The following PTK2 variants were observed in gnomAD, a reference collection of about 807,000 sequenced individuals.
PTK2 encodes protein tyrosine kinase 2.
PTK2 carries 45 observed loss-of-function variants against 150.1 expected under a neutral mutation model. The observed-to-expected ratio is 0.30, with a 90% CI of 0.24 to 0.38. The LOEUF (loss-of-function observed/expected upper bound fraction) is 0.38. Ranked by LOEUF, PTK2 falls within the 10% of genes least tolerant of loss-of-function variation. The pLI is 1.00. For missense variants in PTK2, 919 were observed against 1,307.3 expected (o/e 0.70, Z 4.58); for synonymous variants, 432 against 449.2 (o/e 0.96, Z 0.48).
chr8:140,825,447 C>A (rs1205301461), intron 8 of PTK2, among the ~76,000 whole-genome samples: 1 of 152,114 alleles, frequency 6.6e-6, no homozygotes, highest in Non-Finnish European at 1.5e-5. Context: ...TTCTAGGAAA[C>A]CACATTATTA....
chr8:140,845,239 A>C (rs4314692), intron 7 of PTK2, among the ~76,000 whole-genome samples: 145,317 of 152,204 alleles, frequency 0.95, 69,640 homozygotes, highest in Non-Finnish European at 1. Flanking sequence ...GTCAGCGATG[A>C]TCAAAGGCCA....
intron 2 of PTK2, among the ~76,000 whole-genome samples, chr8:140,905,473 C>G (rs1220246613): frequency 6.6e-6 from 1 of 152,112 alleles, no homozygotes; most frequent in Non-Finnish European, 1.5e-5. Context: ...ACAAGAAGAG[C>G]TAACTATCTT....
intron 7 of PTK2, among the ~76,000 whole-genome samples, chr8:140,842,266 A>C (rs1390788068): frequency 1.3e-5 from 2 of 152,042 alleles, no homozygotes; most frequent in Non-Finnish European, 2.9e-5. Flanking sequence ...AAAATAAATA[A>C]ATTAAAAATC....
chr8:140,682,176 G>A (rs1231106378), intron 27 of PTK2, among the ~76,000 whole-genome samples: 2 of 152,146 alleles, frequency 1.3e-5, no homozygotes, highest in Non-Finnish European at 1.5e-5. Flanking sequence ...GAAGTCAGGA[G>A]TTTGAGACCA....
At position 140,730,820 on chromosome 8, in the gene PTK2, CA is replaced by C. The variant is rs555125714; in HGVS notation, c.2030+4430del. ...AAAATAGTGGTACCAACACCTTAGT[CA>C]AGAAGAGTACTGTTGGGACATATTA... On this transcript the variant is annotated intron_variant, in intron 22 of 31. Coordinates refer to ENST00000522684, the Ensembl canonical transcript of PTK2. 1.4e-4 allele frequency among the ~76,000 whole-genome samples: 22 copies of C among 151,890 alleles called. No individual in the cohort carries two copies. The South Asian group carries it at 4.6e-3, about 32-fold the overall frequency.
chr8:140,929,401 C>T (rs1255356398), intron 1 of PTK2, among the ~76,000 whole-genome samples: 1 of 152,118 alleles, frequency 6.6e-6, no homozygotes, highest in Non-Finnish European at 1.5e-5. Flanking sequence ...AAGAACAAGT[C>T]TAAAGCGAAA....
At chr8:140,890,632 C>T in exon 3 of PTK2, 3 of 1,614,066 alleles carry the variant, frequency 1.9e-6, no homozygotes, top group Non-Finnish European at 2.5e-6. Context: ...ACCTTTAATA[C>T]TCGCTCCATT....
At chr8:140,891,135 C>T (rs1368510304) in intron 2 of PTK2, among the ~76,000 whole-genome samples, 1 of 144,458 alleles carries the variant, frequency 6.9e-6, no homozygotes, top group East Asian at 2.1e-4. Flanking sequence ...TAATTTGCTC[C>T]CTGCTTTTGA....
chr8:140,670,485 AACAACACACAC>A (rs1478430846), intron 29 of PTK2, among the ~76,000 whole-genome samples: 2 of 36,934 alleles, frequency 5.4e-5, no homozygotes, highest in African/African-American at 1.8e-4. Flanking sequence ...AAAAAAAAAC[AACAACACACAC>A]ACACACACAC....
At chr8:140,744,249 T>C (rs1022882704) in intron 19 of PTK2, among the ~76,000 whole-genome samples, 33 of 151,882 alleles carry the variant, frequency 2.2e-4, no homozygotes, top group Admixed American at 5.9e-4. Flanking sequence ...ACTCATAAGG[T>C]TGTGTTGTCC....
At chr8:140,937,817 T>C (rs2100174210) in intron 1 of PTK2, among the ~76,000 whole-genome samples, 1 of 152,126 alleles carries the variant, frequency 6.6e-6, no homozygotes, top group Non-Finnish European at 1.5e-5. Flanking sequence ...ATAGTGGCAG[T>C]GGCTGCACGT....
chr8:140,840,084 G>T (rs2100121388), intron 7 of PTK2, among the ~76,000 whole-genome samples: 1 of 152,200 alleles, frequency 6.6e-6, no homozygotes, highest in Admixed American at 6.5e-5. Flanking sequence ...TTTTAAGCAA[G>T]GTCTTCCTCT....
At position 140,909,367 on chromosome 8, in the gene PTK2, C is replaced by A. The variant is rs188287863; in HGVS notation, c.-33+16294G>T. Among the ~76,000 whole-genome samples, 46 of 152,254 alleles carry A rather than the reference C, an allele frequency of 3.0e-4. No homozygotes were observed. The East Asian group carries it at 6.4e-3, about 21-fold the overall frequency. On this transcript the variant is annotated intron_variant, in intron 2 of 31. Coordinates refer to ENST00000522684, the Ensembl canonical transcript of PTK2. ...CATTACGTACTTTCCATGAGTAAGA[C>A]CCTATAGATTACAGGACAGCTAAAA...
intron 15 of PTK2, among the ~76,000 whole-genome samples, chr8:140,762,840 G>C (rs1001815302): frequency 6.6e-6 from 1 of 151,824 alleles, no homozygotes; most frequent in Non-Finnish European, 1.5e-5. Flanking sequence ...AAGTGCAGTT[G>C]TGCAATCAGG....
At chr8:140,945,556 C>T (rs1569344737) in intron 1 of PTK2, among the ~76,000 whole-genome samples, 1 of 151,826 alleles carries the variant, frequency 6.6e-6, no homozygotes, top group Non-Finnish European at 1.5e-5. Context: ...ACTCACTGTA[C>T]TACAGCCTGG....
chr8:140,811,613 G>T (rs1000052945), intron 10 of PTK2, among the ~76,000 whole-genome samples: 1 of 152,190 alleles, frequency 6.6e-6, no homozygotes, highest in Non-Finnish European at 1.5e-5. Context: ...TAGGAATGAA[G>T]ATCATTGAGA....
At chr8:140,776,933 T>C (rs187609933) in intron 14 of PTK2, among the ~76,000 whole-genome samples, 79 of 152,238 alleles carry the variant, frequency 5.2e-4, no homozygotes, top group African/African-American at 1.7e-3. Flanking sequence ...AGGAAGAATA[T>C]GGTATTCTGG....
At chr8:140,869,709 T>C (rs2100141396) in intron 4 of PTK2, among the ~76,000 whole-genome samples, 1 of 152,070 alleles carries the variant, frequency 6.6e-6, no homozygotes, top group African/African-American at 2.4e-5. Context: ...CATCAATTCA[T>C]ACACAAAGAC....
chr8:140,669,023 G>A (rs1385130698), intron 29 of PTK2: 2 of 152,696 alleles, frequency 1.3e-5, no homozygotes, highest in East Asian at 1.9e-4. Context: ...GAGCCTCTCT[G>A]CTCAAGACCC....
Sources: allele counts gnomAD v4.1 joint callset (sites outside exome capture counted in the v4.1 genomes callset), GRCh38; gene constraint gnomAD v4.1.1; transcripts MANE v1.5; gene names NCBI Gene and HGNC (gene_info 2026-07-23, HGNC 2026-07-21).